The following SYTL2 variants were observed in gnomAD, a reference collection of about 807,000 sequenced individuals.
The protein encoded by SYTL2 is synaptotagmin like 2, also known as synaptotagmin-like protein 2.
SYTL2 carries 165 observed loss-of-function variants against 198.7 expected under a neutral mutation model. That is an observed-to-expected ratio of 0.83 (90% confidence interval 0.73 to 0.94). SYTL2 has a LOEUF of 0.94. SYTL2 is among the 40% of genes least tolerant of loss of function. The pLI is 0.00. For missense variants in SYTL2, 2,835 were observed against 2,582.8 expected, an observed-to-expected ratio of 1.10 and a Z score of -2.12; for synonymous variants, 966 against 917.7, an observed-to-expected ratio of 1.05 and a Z score of -0.95.
intron 7 of SYTL2, among the ~76,000 whole-genome samples, chr11:85,729,079 G>C (rs1248919496): frequency 1.3e-5 from 2 of 152,158 alleles, no homozygotes; most frequent in Admixed American, 1.3e-4. Context: ...GGAGCACCCA[G>C]ATTCATAAAG....
intron 1 of SYTL2, among the ~76,000 whole-genome samples, chr11:85,797,845 T>C (rs942368315): frequency 1.1e-4 from 17 of 151,640 alleles, no homozygotes; most frequent in South Asian, 4.2e-4. Flanking sequence ...GTTTTTGTTG[T>C]TGTTGTTGTT....
chr11:85,756,273 C>G (rs2091859912), intron 2 of SYTL2, among the ~76,000 whole-genome samples: 1 of 152,220 alleles, frequency 6.6e-6, no homozygotes, highest in Non-Finnish European at 1.5e-5. Flanking sequence ...GGAGAAGGCA[C>G]AGCAGAGCCC....
At chr11:85,745,594 T>C (rs755077084) in intron 4 of SYTL2, 43 bp downstream of exon 4, 4 of 1,590,108 alleles carry the variant, frequency 2.5e-6, no homozygotes, top group African/African-American at 2.7e-5. Context: ...CCCCAGGCCA[T>C]GAAAGCCACA....
At chr11:85,740,807 A>G (rs888443104) in intron 4 of SYTL2, among the ~76,000 whole-genome samples, 4 of 152,260 alleles carry the variant, frequency 2.6e-5, no homozygotes, top group African/African-American at 4.8e-5. Flanking sequence ...TGGTATTGGC[A>G]TCAGGGTGCC....
At chr11:85,833,687 A>G in the SYTL2 span, among the ~76,000 whole-genome samples, 44 of 151,380 alleles carry the variant, frequency 2.9e-4, no homozygotes, top group Non-Finnish European at 5.7e-4. Flanking sequence ...ATTAGTTAGT[A>G]AAAGCAAACT....
intron 15 of SYTL2, 45 bp downstream of exon 15, chr11:85,707,384 C>T (rs750448885): frequency 7.5e-7 from 1 of 1,328,246 alleles, no homozygotes; most frequent in Admixed American, 1.7e-5. Flanking sequence ...ACATGGTAAA[C>T]AGGTCACCAT....
chr11:85,722,112 TG>T (rs1369789848), intron 8 of SYTL2, among the ~76,000 whole-genome samples: 1 of 152,050 alleles, frequency 6.6e-6, no homozygotes, highest in African/African-American at 2.4e-5. Flanking sequence ...CTATACCATT[TG>T]ATACTTCTTA....
intron 15 of SYTL2, 38 bp from the exon 16 acceptor site, chr11:85,705,066 T>C: frequency 6.6e-7 from 1 of 1,510,188 alleles, no homozygotes; most frequent in African/African-American, 1.4e-5. Context: ...ATGAAAAACA[T>C]TACTTGATGC....
At chr11:85,788,580 A>G (rs2092673822) in intron 1 of SYTL2, among the ~76,000 whole-genome samples, 1 of 152,176 alleles carries the variant, frequency 6.6e-6, no homozygotes, top group African/African-American at 2.4e-5. Context: ...ATGAGTGTGG[A>G]AATGTACCTT....
rs199539174 is a variant in SYTL2 at position 85,724,655 on chromosome 11, A to G, written c.4703T>C (p.Phe1568Ser). The G allele has an allele frequency of 4.3e-6, 7 of 1,613,774 alleles. No individual in the cohort carries two copies. Among genetic ancestry groups the G allele is most frequent in the Non-Finnish European group, 4.2e-6 (5 of 1,179,912 alleles). ...AGTTATTTCTTTAAGAAGTTTCTCA[A>G]AACCAGCATCAAAAGCACTCTCAGT... ...LITESAFDAG[F>S]EKLLKEITEA... is the part of the protein sequence containing the mutation. Residue 1568 changes from phenylalanine (F) to serine (S), a missense_variant, in exon 8 of 20, where the codon TTT (phenylalanine) becomes TCT (serine). Physicochemically the swap from Phe to Ser is radical, Grantham distance 155. Coordinates refer to ENST00000359152, the MANE Select transcript of SYTL2 (RefSeq NM_206927.4).
At chr11:85,768,972 G>A (rs1390319220) in intron 1 of SYTL2, among the ~76,000 whole-genome samples, 1 of 152,008 alleles carries the variant, frequency 6.6e-6, no homozygotes, top group Non-Finnish European at 1.5e-5. Flanking sequence ...TTGGTAACCT[G>A]TGTCTCCAGC....
Position 85,714,513 on chromosome 11 carries a change from C to G in SYTL2, c.5531-6G>C. 6.2e-7 allele frequency: 1 copy of G among 1,609,078 alleles called. No homozygotes were observed. Among genetic ancestry groups the G allele is most frequent in the Non-Finnish European group, 8.5e-7 (1 of 1,175,962 alleles). On this transcript the variant is annotated splice_polypyrimidine_tract_variant and splice_region_variant and intron_variant, in intron 11 of 19. Coordinates refer to ENST00000359152, the MANE Select transcript of SYTL2 (RefSeq NM_206927.4). The stretch of plus-strand genomic sequence containing the variant: ...TTGTGTAGGCACTGTGGAAACTAAA[C>G]AGCAGCATTTCCATTTCAAAATTAT...
intron 1 of SYTL2, among the ~76,000 whole-genome samples, chr11:85,797,670 CT>C (rs1566035491): frequency 6.6e-6 from 1 of 151,614 alleles, no homozygotes; most frequent in Admixed American, 6.6e-5. Flanking sequence ...AAACATTAGT[CT>C]TTATTATTAT....
the SYTL2 span, among the ~76,000 whole-genome samples, chr11:85,844,862 A>C: frequency 6.6e-6 from 1 of 152,052 alleles, no homozygotes; most frequent in Non-Finnish European, 1.5e-5. Context: ...AATCTTCTGT[A>C]TGGCTCAGAG....
the SYTL2 span, among the ~76,000 whole-genome samples, chr11:85,846,409 T>C: frequency 6.6e-6 from 1 of 152,120 alleles, no homozygotes; most frequent in Non-Finnish European, 1.5e-5. Flanking sequence ...GAAACCTTTA[T>C]TTATTTTGTT....
At chr11:85,762,490 A>G (rs1288712936) in intron 1 of SYTL2, among the ~76,000 whole-genome samples, 1 of 152,188 alleles carries the variant, frequency 6.6e-6, no homozygotes, top group African/African-American at 2.4e-5. Context: ...CAGGCTTAAA[A>G]TCCTTCACCA....
intron 2 of SYTL2, among the ~76,000 whole-genome samples, chr11:85,751,660 T>C (rs534567107): frequency 1.3e-5 from 2 of 152,360 alleles, no homozygotes; most frequent in South Asian, 4.1e-4. Context: ...TGGGATGTCC[T>C]GGTCATTCTC....
chr11:85,725,153 T>G lies in SYTL2; in HGVS notation c.4205A>C (p.Glu1402Ala). The part of the protein sequence containing the change: ...GPGEVNPEFP[E>A]AVQPVCSPLN... The stretch of plus-strand genomic sequence containing the variant: ...GGGGCTACATACTGGCTGTACTGCT[T>G]CAGGAAATTCTGGGTTCACTTCTCC... The change falls in exon 8 of 20, where the codon GAA becomes GCA. Residue 1402 changes from glutamate to alanine, a missense_variant. Glu to Ala is a moderately radical substitution (Grantham distance 107). Transcript: ENST00000359152. 1 of 1,614,106 alleles carries G rather than the reference T, an allele frequency of 6.2e-7. No homozygotes were observed. Among genetic ancestry groups the G allele is most frequent in the Middle Eastern group, 1.6e-4 (1 of 6,062 alleles).
At chr11:85,785,432 T>C (rs369760718) in intron 1 of SYTL2, among the ~76,000 whole-genome samples, 2 of 152,164 alleles carry the variant, frequency 1.3e-5, no homozygotes, top group East Asian at 3.8e-4. Context: ...TCAGAAAGTG[T>C]TTACTATCTT....
Sources: allele counts gnomAD v4.1 joint callset (sites outside exome capture counted in the v4.1 genomes callset), GRCh38; gene constraint gnomAD v4.1.1; transcripts MANE v1.5; gene names NCBI Gene and HGNC (gene_info 2026-07-23, HGNC 2026-07-21).